The following CACNA2D3 variants were observed in gnomAD, a reference collection of about 807,000 sequenced individuals.
The protein encoded by CACNA2D3 is voltage-dependent calcium channel subunit alpha-2/delta-3.
CACNA2D3 carries 60 observed loss-of-function variants against 160.6 expected under a neutral mutation model. The observed-to-expected ratio is 0.37, with a 90% CI of 0.30 to 0.46. The LOEUF (loss-of-function observed/expected upper bound fraction) is 0.46, where lower values mean the gene tolerates loss of function less well. Among genes scored for constraint, CACNA2D3 ranks in the 20% least tolerant of loss-of-function variants. The probability of loss-of-function intolerance (pLI) is 1.00; values close to 1 mark genes in which losing one functional copy is unlikely to be tolerated. For missense variants in CACNA2D3, 1,205 were observed against 1,365.0 expected, an observed-to-expected ratio of 0.88 and a Z score of 1.85; for synonymous variants, 558 against 492.9, an observed-to-expected ratio of 1.13 and a Z score of -1.75.
intron 3 of CACNA2D3, among the ~76,000 whole-genome samples, chr3:54,379,194 A>G (rs1699059787): frequency 6.6e-6 from 1 of 152,228 alleles, no homozygotes; most frequent in South Asian, 2.1e-4. Context: ...ATTAGCTTTT[A>G]TAATCCACTT....
At chr3:54,725,615 A>G (rs1333391600) in intron 11 of CACNA2D3, among the ~76,000 whole-genome samples, 1 of 152,226 alleles carries the variant, frequency 6.6e-6, no homozygotes, top group Non-Finnish European at 1.5e-5. Flanking sequence ...CAACATATGC[A>G]AATCAAGAAA....
chr3:54,626,287 C>T, intron 9 of CACNA2D3: 2 of 1,489,072 alleles, frequency 1.3e-6, no homozygotes, highest in Non-Finnish European at 1.8e-6. Context: ...GGACCAGCTG[C>T]TGGACATGTC....
At chr3:54,228,437 G>A (rs1041519267) in intron 2 of CACNA2D3, among the ~76,000 whole-genome samples, 2 of 152,204 alleles carry the variant, frequency 1.3e-5, no homozygotes, top group East Asian at 1.9e-4. Context: ...CACCTAGGCT[G>A]GTCACCACTA....
At chr3:54,313,263 T>C (rs999125017) in intron 2 of CACNA2D3, among the ~76,000 whole-genome samples, 2 of 152,082 alleles carry the variant, frequency 1.3e-5, no homozygotes, top group African/African-American at 2.4e-5. Context: ...GTCTGGCCCC[T>C]AGAACCCTTG....
intron 11 of CACNA2D3, among the ~76,000 whole-genome samples, chr3:54,642,649 C>A (rs573296520): frequency 3.3e-5 from 5 of 152,166 alleles, no homozygotes; most frequent in Non-Finnish European, 5.9e-5. Context: ...GTTCCTCCCA[C>A]GGCCCCCATT....
intron 11 of CACNA2D3, among the ~76,000 whole-genome samples, chr3:54,647,467 G>A (rs1003759232): frequency 6.6e-6 from 1 of 152,184 alleles, no homozygotes. Context: ...CCCTGGTGAA[G>A]CTAGGAGCTT....
chr3:54,643,621 A>G (rs1699571417), intron 11 of CACNA2D3, among the ~76,000 whole-genome samples: 1 of 152,240 alleles, frequency 6.6e-6, no homozygotes, highest in Non-Finnish European at 1.5e-5. Flanking sequence ...AGACAGGGTT[A>G]TATTAGATGT....
At chr3:54,341,970 TTA>T (rs756876117) in intron 3 of CACNA2D3, among the ~76,000 whole-genome samples, 1 of 152,080 alleles carries the variant, frequency 6.6e-6, no homozygotes, top group Non-Finnish European at 1.5e-5. Context: ...ATGTACAAGT[TTA>T]TTTAATCTTC....
At chr3:54,724,107 G>C (rs571984239) in intron 11 of CACNA2D3, among the ~76,000 whole-genome samples, 1 of 152,276 alleles carries the variant, frequency 6.6e-6, no homozygotes, top group East Asian at 1.9e-4. Flanking sequence ...AAAATGGCAG[G>C]AGTTGCAATC....
At chr3:54,782,403 G>A (rs780778568) in intron 13 of CACNA2D3, among the ~76,000 whole-genome samples, 5 of 152,070 alleles carry the variant, frequency 3.3e-5, no homozygotes, top group African/African-American at 7.2e-5. Flanking sequence ...ACTATGCCAC[G>A]CCTATATCAA....
At chr3:54,154,871 C>T (rs552066293) in intron 2 of CACNA2D3, among the ~76,000 whole-genome samples, 12 of 152,210 alleles carry the variant, frequency 7.9e-5, no homozygotes, top group African/African-American at 2.2e-4. Context: ...ATGTTTCCTA[C>T]GTTTCAGTCA....
chr3:54,574,533 T>G (rs1702551246), intron 8 of CACNA2D3, among the ~76,000 whole-genome samples: 1 of 152,212 alleles, frequency 6.6e-6, no homozygotes, highest in African/African-American at 2.4e-5. Flanking sequence ...ACTAACTGAT[T>G]GAATTATGAA....
At chr3:54,741,795 A>G (rs147205269) in intron 11 of CACNA2D3, among the ~76,000 whole-genome samples, 209 of 152,054 alleles carry the variant, frequency 1.4e-3, no homozygotes, top group African/African-American at 4.9e-3. Context: ...CAGTGAGATA[A>G]TTGTCCTGCC....
intron 2 of CACNA2D3, among the ~76,000 whole-genome samples, chr3:54,177,393 C>T (rs1700697900): frequency 6.6e-6 from 1 of 152,180 alleles, no homozygotes; most frequent in Non-Finnish European, 1.5e-5. Context: ...AGTTTCACTC[C>T]TAGTAACAGA....
intron 35 of CACNA2D3, among the ~76,000 whole-genome samples, chr3:55,041,138 A>C (rs1408622629): frequency 6.6e-6 from 1 of 152,134 alleles, no homozygotes; most frequent in Non-Finnish European, 1.5e-5. Context: ...GCTGCATGGT[A>C]CTCCATTGTA....
intron 5 of CACNA2D3, among the ~76,000 whole-genome samples, chr3:54,553,016 A>G (rs1267686147): frequency 3.3e-5 from 5 of 152,174 alleles, no homozygotes; most frequent in Non-Finnish European, 7.3e-5. Context: ...GAATTTGCCA[A>G]GCCATTTGCT....
At chr3:54,980,836 A>G (rs1702491169) in intron 29 of CACNA2D3, among the ~76,000 whole-genome samples, 1 of 152,196 alleles carries the variant, frequency 6.6e-6, no homozygotes, top group South Asian at 2.1e-4. Flanking sequence ...TTTAGACCAA[A>G]TGTTTACATT....
intron 34 of CACNA2D3, among the ~76,000 whole-genome samples, chr3:55,017,998 A>G (rs1048487265): frequency 1.3e-5 from 2 of 152,216 alleles, no homozygotes; most frequent in African/African-American, 4.8e-5. Context: ...TGATCCAGCC[A>G]ACACAACTGT....
At chr3:54,836,237 T>G (rs1698680434) in intron 14 of CACNA2D3, among the ~76,000 whole-genome samples, 1 of 138,744 alleles carries the variant, frequency 7.2e-6, no homozygotes, top group Admixed American at 7.1e-5. Context: ...TTTTTTTTTT[T>G]TTTTGTTTTT....
Sources: gnomAD v4.1 joint callset for allele counts (sites outside exome capture counted in the v4.1 genomes callset) on GRCh38, gnomAD v4.1.1 for gene constraint, MANE v1.5 for transcripts, NCBI Gene and HGNC (gene_info 2026-07-23, HGNC 2026-07-21) for gene names.